Variants in CAMK2B observed in about 807,000 individuals in gnomAD.
CAMK2B encodes the protein calcium/calmodulin-dependent protein kinase type II subunit beta.
In CAMK2B, 27 loss-of-function variants were observed where a neutral mutation model predicts 93.7. That is an observed-to-expected ratio of 0.29 (90% CI 0.21 to 0.40). The LOEUF is 0.40. Among genes scored for constraint, CAMK2B ranks in the 10% least tolerant of loss-of-function variants. The pLI is 1.00. For synonymous variants in CAMK2B, 374 were observed against 358.8 expected, an observed-to-expected ratio of 1.04 and a Z score of -0.48; for missense variants, 568 against 895.8, an observed-to-expected ratio of 0.63 and a Z score of 4.67.
In CAMK2B at chr7:44,253,274, C is replaced by T. The variant is rs1348337266; in HGVS notation, c.341+1268G>A. Among the ~76,000 whole-genome samples the T allele has an allele frequency of 4.0e-5, 6 of 150,254 alleles. 1 individual carries two copies. The highest frequency in any genetic ancestry group is 4.2e-4 in the South Asian group (2 of 4,806). On this transcript the variant is annotated intron_variant, in intron 5 of 23. Transcript: ENST00000395749. The stretch of plus-strand genomic sequence containing the variant: ...GCCCACCCAGGCTGGAGTGCAATGG[C>T]GCAATCTCAGCTCACTGCAAACTCC...
At chr7:44,308,356 C>T (rs1792500169) in intron 1 of CAMK2B, among the ~76,000 whole-genome samples, 1 of 152,120 alleles carries the variant, frequency 6.6e-6, no homozygotes, top group Non-Finnish European at 1.5e-5. Context: ...GCCCAGGTGG[C>T]TGGGGGAAGA....
intron 6 of CAMK2B, chr7:44,244,807 C>T: frequency 2.7e-6 from 1 of 364,570 alleles, no homozygotes; most frequent in Non-Finnish European, 5.5e-6. Context: ...TCCAGCCACG[C>T]CCTACTGAGC....
At chr7:44,247,258 G>C (rs766627948) in intron 5 of CAMK2B, 66 bp from the exon 6 acceptor site, 2 of 1,356,346 alleles carry the variant, frequency 1.5e-6, no homozygotes, top group Non-Finnish European at 2.1e-6. Flanking sequence ...GGCACTGGGG[G>C]CAGGGGCAAT....
chr7:44,249,239 G>C (rs1231151338), intron 5 of CAMK2B, among the ~76,000 whole-genome samples: 1 of 152,214 alleles, frequency 6.6e-6, no homozygotes, highest in Non-Finnish European at 1.5e-5. Context: ...AGGCCTGTGA[G>C]CCTAAGCATG....
At chr7:44,233,826 G>A (rs1049441081) in intron 15 of CAMK2B, among the ~76,000 whole-genome samples, 3 of 152,170 alleles carry the variant, frequency 2.0e-5, no homozygotes, top group African/African-American at 7.2e-5. Context: ...AGGGAACACA[G>A]AGGTGACGGC....
Position 44,217,242 on chromosome 7 carries a change from G to A in CAMK2B, c.*2283C>T, listed in dbSNP as rs1213190913. 6.6e-6 allele frequency: 1 copy of A among 152,636 alleles called. No individual in the cohort carries two copies. The highest frequency in any genetic ancestry group is 1.5e-5 in the Non-Finnish European group (1 of 68,048). 9.5% of individuals were successfully genotyped at this position (152,636 alleles called of 1,614,324 possible). On this transcript the variant is annotated 3_prime_UTR_variant, in exon 24 of 24. Coordinates refer to ENST00000395749, the MANE Select transcript of CAMK2B (RefSeq NM_001220.5). ...ACACTTACAAGGCTCAGAAAGAAAA[G>A]ACAATGAAACTCAGCAAAAAGAGAG...
In CAMK2B at chr7:44,224,944, C is replaced by T. The variant is rs936148590; in HGVS notation, c.1597+1572G>A. Among the ~76,000 whole-genome samples the T allele has an allele frequency of 2.6e-5, 4 of 152,022 alleles. No individual in the cohort carries two copies. Among genetic ancestry groups the T allele is most frequent in the African/African-American group, 4.8e-5 (2 of 41,390 alleles). ...TTCCCTGAGTTCCGGAACATCTCACCCACCCCTTTCCCAGCCCTGCCCAGC... is the reference window on the plus strand; with the variant it reads ...TTCCCTGAGTTCCGGAACATCTCACTCACCCCTTTCCCAGCCCTGCCCAGC... On this transcript the variant is annotated intron_variant, in intron 20 of 23. Transcript: ENST00000395749. This position sits in a 1 kb window ranked among gnomAD's most constrained non-coding sequence, Gnocchi z 4.4.
At chr7:44,251,912 C>G (rs1293490517) in intron 5 of CAMK2B, among the ~76,000 whole-genome samples, 2 of 152,176 alleles carry the variant, frequency 1.3e-5, no homozygotes, top group African/African-American at 2.4e-5. Flanking sequence ...CCCGAGCCTA[C>G]CCTGAGGCTG....
Position 44,234,666 on chromosome 7 carries a change from T to G in CAMK2B, c.1032A>C (p.Leu344Phe). ...TGACTCCATCTGCTTTCTTGTTGAG[T>G]AAACTCTTGGCTGCTGCATGGGGAG... ...TMGLVEQAKSLLNKKADGVKP... is the reference protein window; with the variant it reads ...TMGLVEQAKSFLNKKADGVKP... Residue 344 changes from leucine to phenylalanine, a missense_variant, in exon 14 of 24, where the codon TTA (leucine) becomes TTC (phenylalanine). This residue lies in a region of CAMK2B where 308 missense variants were observed against 292.1 expected (regional missense o/e 1.05). Coordinates refer to ENST00000395749, the MANE Select transcript of CAMK2B (RefSeq NM_001220.5). 2 of 1,614,050 alleles carry G rather than the reference T, an allele frequency of 1.2e-6. No homozygotes were observed. Among genetic ancestry groups the G allele is most frequent in the Non-Finnish European group, 1.7e-6 (2 of 1,179,936 alleles).
At chr7:44,275,591 T>A (rs1281409078) in intron 2 of CAMK2B, among the ~76,000 whole-genome samples, 1 of 152,274 alleles carries the variant, frequency 6.6e-6, no homozygotes, top group Non-Finnish European at 1.5e-5. Flanking sequence ...TATAAGTTTG[T>A]CTCAATTTCA....
intron 3 of CAMK2B, 101 bp from the exon 4 acceptor site, chr7:44,259,027 T>C: frequency 9.3e-7 from 1 of 1,079,594 alleles, no homozygotes. Context: ...GTGTAAGCCC[T>C]AGGGCTGCCC....
chr7:44,309,463 C>G (rs1397487574), intron 1 of CAMK2B, among the ~76,000 whole-genome samples: 1 of 152,204 alleles, frequency 6.6e-6, no homozygotes, highest in Non-Finnish European at 1.5e-5. Context: ...GCCCCCATCT[C>G]CCTCCTGCAC....
chr7:44,298,417 G>A (rs1247769629), intron 1 of CAMK2B, among the ~76,000 whole-genome samples: 1 of 152,140 alleles, frequency 6.6e-6, no homozygotes, highest in Non-Finnish European at 1.5e-5. Flanking sequence ...CTAAATTTAA[G>A]GCTAAAATTA....
At chr7:44,253,476 G>T (rs1052252494) in intron 5 of CAMK2B, among the ~76,000 whole-genome samples, 5 of 152,180 alleles carry the variant, frequency 3.3e-5, no homozygotes, top group African/African-American at 1.2e-4. Context: ...GCCTCCCAAA[G>T]TGTTGGAATT....
At chr7:44,249,413 G>A (rs768956943) in intron 5 of CAMK2B, among the ~76,000 whole-genome samples, 6 of 152,170 alleles carry the variant, frequency 3.9e-5, no homozygotes, top group Admixed American at 2.6e-4. Context: ...CCTCCCAGGG[G>A]CCCTCCCAAG....
chr7:44,296,720 A>C (rs1220996796), intron 1 of CAMK2B, among the ~76,000 whole-genome samples: 1 of 152,232 alleles, frequency 6.6e-6, no homozygotes, highest in Non-Finnish European at 1.5e-5. Context: ...GGGGCAAAAA[A>C]GCATTACATC....
intron 1 of CAMK2B, among the ~76,000 whole-genome samples, chr7:44,317,224 T>A (rs1212767665): frequency 2.7e-5 from 4 of 145,748 alleles, no homozygotes; most frequent in Non-Finnish European, 4.5e-5. Flanking sequence ...GTAACTATTA[T>A]CCTTAAAAGA....
chr7:44,269,122 C>T (rs1448146382), intron 2 of CAMK2B, among the ~76,000 whole-genome samples: 1 of 152,212 alleles, frequency 6.6e-6, no homozygotes, highest in East Asian at 1.9e-4. Flanking sequence ...TTCACACCAA[C>T]CCTGCTGCAT....
At chr7:44,282,664 G>A (rs1413684594) in intron 2 of CAMK2B, among the ~76,000 whole-genome samples, 1 of 152,226 alleles carries the variant, frequency 6.6e-6, no homozygotes, top group Non-Finnish European at 1.5e-5. Context: ...TCCCAAGAAG[G>A]GGAAACACTG....
Sources: gnomAD v4.1 joint callset for allele counts (sites outside exome capture counted in the v4.1 genomes callset) on GRCh38, gnomAD v4.1.1 for gene constraint, gnomAD v4.1.1 regional missense constraint, Gnocchi (gnomAD v3.1) non-coding constraint, MANE v1.5 for transcripts, NCBI Gene and HGNC (gene_info 2026-07-23, HGNC 2026-07-21) for gene names.